The following MEIS2 variants were observed in gnomAD, a reference collection of about 807,000 sequenced individuals.
The protein encoded by MEIS2 is Meis homeobox 2, also known as homeobox protein Meis2.
A neutral mutation model predicts 58.6 loss-of-function variants in MEIS2; 9 were observed. That is an observed-to-expected ratio of 0.15 (90% CI 0.09 to 0.27). The LOEUF is 0.27. Among genes scored for constraint, MEIS2 ranks in the 10% least tolerant of loss-of-function variants. MEIS2 has a pLI of 1.00. For missense variants in MEIS2, 427 were observed against 635.0 expected (o/e 0.67, Z 3.52); for synonymous variants, 221 against 228.4 (o/e 0.97, Z 0.29).
chr15:37,071,725 C>T lies in MEIS2; in HGVS notation c.754+12046G>A, dbSNP rs530721558. On this transcript the variant is annotated intron_variant, in intron 7 of 11. Coordinates refer to ENST00000561208, the MANE Select transcript of MEIS2 (RefSeq NM_170675.5). ...TAAAGTGAAGGATGGGAGATTTGCC[C>T]ATGATAAGTGACAGATCTGAGGATA... Among the ~76,000 whole-genome samples the T allele has an allele frequency of 3.3e-5, 5 of 152,056 alleles. No homozygotes were observed. The East Asian group carries it at 7.8e-4, about 24-fold the overall frequency.
At chr15:36,951,544 C>A (rs996168712) in intron 8 of MEIS2, among the ~76,000 whole-genome samples, 1 of 152,060 alleles carries the variant, frequency 6.6e-6, no homozygotes, top group African/African-American at 2.4e-5. Flanking sequence ...GGTATTTCAT[C>A]TTCTATAATA....
intron 7 of MEIS2, among the ~76,000 whole-genome samples, chr15:37,074,077 A>G (rs139443844): frequency 5.9e-4 from 90 of 152,100 alleles, no homozygotes; most frequent in African/African-American, 2.1e-3. Context: ...AGCCTCTGTA[A>G]TAATGATCGT....
chr15:37,023,827 T>C (rs2061604773), intron 8 of MEIS2, among the ~76,000 whole-genome samples: 1 of 151,858 alleles, frequency 6.6e-6, no homozygotes, highest in South Asian at 2.1e-4. Context: ...CTCAGCTTTC[T>C]TGCTATCTTT....
At chr15:37,007,339 C>T (rs1052507329) in intron 8 of MEIS2, among the ~76,000 whole-genome samples, 2 of 151,904 alleles carry the variant, frequency 1.3e-5, no homozygotes, top group African/African-American at 2.4e-5. Flanking sequence ...GACCAGTCTG[C>T]GCAACATAGC....
intron 7 of MEIS2, among the ~76,000 whole-genome samples, chr15:37,059,190 T>A (rs1389589712): frequency 1.3e-5 from 2 of 152,168 alleles, no homozygotes; most frequent in African/African-American, 2.4e-5. Flanking sequence ...ACTGCTTTTT[T>A]ATTTTTTTAA....
rs558586686 is a variant in MEIS2, at chr15:37,010,245, A to G, written c.900+26569T>C. On this transcript the variant is annotated intron_variant, in intron 8 of 11. Coordinates refer to ENST00000561208, the MANE Select transcript of MEIS2 (RefSeq NM_170675.5). Reference sequence around the variant, plus strand: ...TGGGACTACAGGCACCCACCACCACACCTGGCTAATTTTTTGTATTTTTAG... The same window carrying G: ...TGGGACTACAGGCACCCACCACCACGCCTGGCTAATTTTTTGTATTTTTAG... Among the ~76,000 whole-genome samples, 45 of 150,756 alleles carry G rather than the reference A, an allele frequency of 3.0e-4. No homozygotes were observed. The South Asian group carries it at 4.4e-3, about 15-fold the overall frequency.
chr15:36,906,651 G>GAAAAAAAAAAAAAAAAAACAAAAAAA (rs2056753320), intron 9 of MEIS2, among the ~76,000 whole-genome samples: 1 of 96,554 alleles, frequency 1.0e-5, no homozygotes, highest in Non-Finnish European at 2.1e-5. Context: ...AGCCACTCAA[G>GAAAAAAAAAAAAAAAAAACAAAAAAA]AAAAAAAAAA....
intron 8 of MEIS2, among the ~76,000 whole-genome samples, chr15:37,026,978 A>C (rs140367820): frequency 6.6e-6 from 1 of 152,300 alleles, no homozygotes; most frequent in Non-Finnish European, 1.5e-5. Context: ...AAAAGCATGA[A>C]AATGGCATTA....
chr15:36,985,889 C>T (rs1197905322), intron 8 of MEIS2, among the ~76,000 whole-genome samples: 1 of 152,166 alleles, frequency 6.6e-6, no homozygotes, highest in Non-Finnish European at 1.5e-5. Context: ...ATTCTTACCT[C>T]TCACCATACT....
intron 7 of MEIS2, among the ~76,000 whole-genome samples, chr15:37,054,883 CTAAG>C (rs1373206392): frequency 5.3e-5 from 8 of 152,326 alleles, no homozygotes; most frequent in Non-Finnish European, 8.8e-5. Context: ...AATTTTCACT[CTAAG>C]TGTTTTCTAG....
rs546201638 is a variant in MEIS2, at chr15:37,062,177, C to T, written c.754+21594G>A. Reference sequence around the variant, plus strand: ...CCATGACTCACAGCTCTCTGATCTCCAGGCCAATACTCTTTGCATGTGGCA... The same window carrying T: ...CCATGACTCACAGCTCTCTGATCTCTAGGCCAATACTCTTTGCATGTGGCA... On this transcript the variant is annotated intron_variant, in intron 7 of 11. Transcript: ENST00000561208. 3.7e-4 allele frequency among the ~76,000 whole-genome samples: 57 copies of T among 152,264 alleles called. 2 individuals are homozygous for T. In the South Asian group the frequency reaches 0.011, roughly 30 times the overall value.
At chr15:36,958,103 T>A (rs1003075122) in intron 8 of MEIS2, among the ~76,000 whole-genome samples, 1 of 152,298 alleles carries the variant, frequency 6.6e-6, no homozygotes, top group South Asian at 2.1e-4. Flanking sequence ...ATAGATTGAA[T>A]TATAATAATA....
Position 37,099,544 on chromosome 15 carries a change from A to C in MEIS2, c.-78T>G, listed in dbSNP as rs1894850288. On this transcript the variant is annotated 5_prime_UTR_variant, in exon 1 of 12. Coordinates refer to ENST00000561208, the MANE Select transcript of MEIS2 (RefSeq NM_170675.5). ...CCGGATAAGAAAGTGATCTAGGCTG[A>C]AGATTCCTTTTTTTTTTTTCCAAAC... 6.3e-7 allele frequency: 1 copy of C among 1,574,864 alleles called. No individual in the cohort carries two copies. The highest frequency in any genetic ancestry group is 8.6e-7 in the Non-Finnish European group (1 of 1,161,146).
intron 8 of MEIS2, among the ~76,000 whole-genome samples, chr15:37,028,714 A>G (rs897085286): frequency 2.0e-5 from 3 of 152,192 alleles, no homozygotes; most frequent in African/African-American, 4.8e-5. Context: ...GACAGCTAGC[A>G]TCAGAACACT....
intron 8 of MEIS2, among the ~76,000 whole-genome samples, chr15:37,009,158 G>T (rs894954010): frequency 5.9e-5 from 9 of 152,092 alleles, no homozygotes; most frequent in Non-Finnish European, 1.3e-4. Flanking sequence ...GCGTGGTGGC[G>T]GGCGCCTATA....
chr15:36,900,270 T>G (rs771287520), intron 9 of MEIS2, among the ~76,000 whole-genome samples: 3 of 152,146 alleles, frequency 2.0e-5, no homozygotes, highest in Non-Finnish European at 2.9e-5. Flanking sequence ...GAAAAAAAAT[T>G]TTCATTAGCC....
At chr15:37,038,899 C>G (rs527618468) in intron 7 of MEIS2, among the ~76,000 whole-genome samples, 22 of 152,328 alleles carry the variant, frequency 1.4e-4, no homozygotes, top group Non-Finnish European at 2.6e-4. Flanking sequence ...CAAGGAACTG[C>G]TGCAAGGCAA....
rs1309064541 is a variant in MEIS2 at position 37,002,540 on chromosome 15, G to A, written c.900+34274C>T. On this transcript the variant is annotated intron_variant, in intron 8 of 11. Transcript: ENST00000561208. ...CTTTCACTTAGTGAAGTACTTGCCCGCAGAAGGAAAATAAAGACCACTAAA... is the reference window on the plus strand; with the variant it reads ...CTTTCACTTAGTGAAGTACTTGCCCACAGAAGGAAAATAAAGACCACTAAA... Among the ~76,000 whole-genome samples the A allele has an allele frequency of 3.3e-5, 5 of 152,076 alleles. No individual in the cohort carries two copies. The East Asian group carries it at 7.7e-4, about 24-fold the overall frequency.
chr15:36,909,839 A>G (rs2056918131), intron 9 of MEIS2, among the ~76,000 whole-genome samples: 1 of 64,252 alleles, frequency 1.6e-5, no homozygotes, highest in African/African-American at 6.5e-5. Flanking sequence ...AGGTGTTATG[A>G]GTGTGTGTGT....
Sources: allele counts gnomAD v4.1 joint callset (sites outside exome capture counted in the v4.1 genomes callset), GRCh38; gene constraint gnomAD v4.1.1; transcripts MANE v1.5; gene names NCBI Gene and HGNC (gene_info 2026-07-23, HGNC 2026-07-21).